The following WNK4 variants were observed in gnomAD, a reference collection of about 807,000 sequenced individuals.
WNK4 encodes WNK lysine deficient protein kinase 4, also known as serine/threonine-protein kinase WNK4.
A neutral mutation model predicts 116.2 loss-of-function variants in WNK4; 94 were observed. The ratio of observed to expected loss-of-function variants is 0.81; its 90% CI spans 0.68 to 0.96. WNK4 has a LOEUF of 0.96. WNK4 is among the 40% of genes least tolerant of loss of function. The pLI is 0.00. For missense variants in WNK4, 1,542 were observed against 1,650.6 expected, an observed-to-expected ratio of 0.93 and a Z score of 1.14; for synonymous variants, 655 against 672.7, an observed-to-expected ratio of 0.97 and a Z score of 0.41.
rs1271878326 is a variant in WNK4 at position 42,782,037 on chromosome 17, G to C, written c.618+721G>C. 2.0e-5 allele frequency among the ~76,000 whole-genome samples: 3 copies of C among 152,204 alleles called. No homozygotes were observed. The highest frequency in any genetic ancestry group is 4.4e-5 in the Non-Finnish European group (3 of 68,024). ...TTGCTCCCATGCTACATATGGGTTAGGAGAACCCAGTCAACTTGGGGCCTG... is the reference window on the plus strand; with the variant it reads ...TTGCTCCCATGCTACATATGGGTTACGAGAACCCAGTCAACTTGGGGCCTG... On this transcript the variant is annotated intron_variant, in intron 1 of 18. Transcript: ENST00000246914. This position sits in a 1 kb window ranked among gnomAD's most constrained non-coding sequence, Gnocchi z 4.2.
At chr17:42,790,096 A>G (rs57527946) in intron 11 of WNK4, among the ~76,000 whole-genome samples, 11,225 of 152,104 alleles carry the variant, frequency 0.074, 1,227 homozygotes, top group African/African-American at 0.23. Flanking sequence ...TGGAAGGGGG[A>G]AGGGAAAATA....
At position 42,784,020 on chromosome 17, in the gene WNK4, A is replaced by G. The variant is rs566468120; in HGVS notation, c.875A>G (p.His292Arg). 6 of 1,612,922 alleles carry G rather than the reference A, an allele frequency of 3.7e-6. No homozygotes were observed. Among genetic ancestry groups the G allele is most frequent in the East Asian group, 2.2e-5 (1 of 44,808 alleles). The change falls in exon 3 of 19, where the codon CAC (histidine) becomes CGC (arginine). Residue 292 changes from histidine (H) to arginine (R), a missense_variant. By Grantham distance (29) the His-to-Arg change is conservative (BLOSUM62 0). Around this residue, in one of 7 missense-constraint regions of WNK4, gnomAD observed 808 missense variants for 873.6 expected, o/e 0.92. Coordinates refer to ENST00000246914, the MANE Select transcript of WNK4 (RefSeq NM_032387.5). The surrounding 1 kb of genome is among the most constrained non-coding windows in gnomAD (Gnocchi z 4.4). ...ATCCTGCGGGGACTTCATTTCCTAC[A>G]CTCCCGGGTTCCTCCCATCCTGCAC... is the stretch of plus-strand genomic sequence containing the variant. ...RQILRGLHFL[H>R]SRVPPILHRD... is the part of the protein sequence containing the mutation.
In WNK4 at chr17:42,780,634, C is replaced by T; in HGVS notation, c.-65C>T. ...CGGAGCGCAGCGCACCCAGCGAGTCCGTCTGTCAGGCCGCCTCCTCTCCGG... is the reference window on the plus strand; with the variant it reads ...CGGAGCGCAGCGCACCCAGCGAGTCTGTCTGTCAGGCCGCCTCCTCTCCGG... On this transcript the variant is annotated 5_prime_UTR_variant, in exon 1 of 19. Coordinates refer to ENST00000246914, the MANE Select transcript of WNK4 (RefSeq NM_032387.5). 1 of 1,589,600 alleles carries T rather than the reference C, an allele frequency of 6.3e-7. No homozygotes were observed. Among genetic ancestry groups the T allele is most frequent in the South Asian group, 1.1e-5 (1 of 90,434 alleles).
intron 11 of WNK4, among the ~76,000 whole-genome samples, chr17:42,792,186 G>C (rs113334708): frequency 0.023 from 3,463 of 152,268 alleles, 126 homozygotes; most frequent in African/African-American, 0.078. Context: ...GCAGATGATA[G>C]TATTTGTTTT....
At position 42,796,244 on chromosome 17, in the gene WNK4, C is replaced by A; in HGVS notation, c.3553C>A (p.Arg1185Ser). 6.2e-7 allele frequency: 1 copy of A among 1,611,390 alleles called. No individual in the cohort carries two copies. Among genetic ancestry groups the A allele is most frequent in the Non-Finnish European group, 8.5e-7 (1 of 1,179,170 alleles). Reference protein sequence around the residue: ...IVAPAAMLSSRQRRLSKGSFP... With the variant: ...IVAPAAMLSSSQRRLSKGSFP... ...GGCCCCAGCTGCTATGCTGTCCAGCCGCCAGCGCCGCCTCTCCAAGGGCAG... is the reference window on the plus strand; with the variant it reads ...GGCCCCAGCTGCTATGCTGTCCAGCAGCCAGCGCCGCCTCTCCAAGGGCAG... Residue 1185 changes from arginine (R) to serine (S), a missense_variant, in exon 17 of 19, where the codon CGC (arginine) becomes AGC (serine). Physicochemically the swap from Arg to Ser is moderately radical, Grantham distance 110 (BLOSUM62 -1). Transcript: ENST00000246914.
chr17:42,784,103 G>A lies in WNK4; in HGVS notation c.958G>A (p.Gly320Arg), dbSNP rs761672066. The part of the protein sequence containing the change: ...ITGPTGSVKI[G>R]DLGLATLKRA... ...GGGACCTACTGGCTCTGTCAAAATC[G>A]GGGACCTGGGCCTGGCCACGCTCAA... Residue 320 changes from glycine (G) to arginine (R), a missense_variant, in exon 3 of 19, where the codon GGG becomes AGG. Physicochemically the swap from Gly to Arg is moderately radical, Grantham distance 125. Around this residue, in one of 7 missense-constraint regions of WNK4, gnomAD observed 808 missense variants for 873.6 expected, o/e 0.92. Coordinates refer to ENST00000246914, the MANE Select transcript of WNK4 (RefSeq NM_032387.5). The surrounding 1 kb of genome is among the most constrained non-coding windows in gnomAD (Gnocchi z 4.4). 8 of 1,611,214 alleles carry A rather than the reference G, an allele frequency of 5.0e-6. No individual in the cohort carries two copies. Among genetic ancestry groups the A allele is most frequent in the South Asian group, 2.2e-5 (2 of 91,082 alleles).
At chr17:42,792,337 C>T (rs963227692) in intron 11 of WNK4, among the ~76,000 whole-genome samples, 2 of 152,132 alleles carry the variant, frequency 1.3e-5, no homozygotes, top group African/African-American at 2.4e-5. Context: ...CCCCCTATCC[C>T]CAGGGTGGTA....
chr17:42,782,748 C>G lies in WNK4; in HGVS notation c.619-10C>G, dbSNP rs550493959. On this transcript the variant is annotated splice_polypyrimidine_tract_variant and intron_variant, in intron 1 of 18. Transcript: ENST00000246914. The surrounding 1 kb of genome is among the most constrained non-coding windows in gnomAD (Gnocchi z 4.2). ...TGGGCCTGACATGACACCCGTCCCC[C>G]ATCCCACAGACTCGGAAACTGTCTA... The G allele has an allele frequency of 6.8e-6, 11 of 1,614,004 alleles. No homozygotes were observed. The South Asian group carries it at 1.2e-4, about 18-fold the overall frequency.
chr17:42,791,604 A>G (rs1597901494), intron 11 of WNK4, among the ~76,000 whole-genome samples: 1 of 150,146 alleles, frequency 6.7e-6, no homozygotes, highest in East Asian at 2.0e-4. Context: ...ATACCATTGC[A>G]CTCCAGCCTG....
chr17:42,796,510 A>T lies in WNK4; in HGVS notation c.3661A>T (p.Ser1221Cys). The T allele has an allele frequency of 6.2e-7, 1 of 1,613,950 alleles. No individual in the cohort carries two copies. Among genetic ancestry groups the T allele is most frequent in the Non-Finnish European group, 8.5e-7 (1 of 1,179,872 alleles). Residue 1221 changes from serine (S) to cysteine (C), a missense_variant, in exon 18 of 19, where the codon AGC (serine) becomes TGC (cysteine). This residue lies in a region of WNK4 where 148 missense variants were observed against 157.2 expected (regional missense o/e 0.94). Transcript: ENST00000246914. Reference protein sequence around the residue: ...GIMRRNSLSGSSTGSQEQRAS... With the variant: ...GIMRRNSLSGCSTGSQEQRAS... ...CATGCGAAGGAACTCTCTGAGTGGC[A>T]GCAGCACCGGCTCCCAGGAGCAGCG...
Position 42,782,587 on chromosome 17 carries a change from G to A in WNK4, c.619-171G>A, listed in dbSNP as rs564054857. ...TGTGTCCTTGGATCAGCTTACGTGCGGGACTGTTGGAGAGTTCAGGGTCTG... is the reference window on the plus strand; with the variant it reads ...TGTGTCCTTGGATCAGCTTACGTGCAGGACTGTTGGAGAGTTCAGGGTCTG... On this transcript the variant is annotated intron_variant, in intron 1 of 18. Transcript: ENST00000246914. The surrounding 1 kb of genome is among the most constrained non-coding windows in gnomAD (Gnocchi z 4.2). 3.9e-5 allele frequency among the ~76,000 whole-genome samples: 6 copies of A among 152,348 alleles called. No homozygotes were observed. In the South Asian group the frequency reaches 8.3e-4, roughly 21 times the overall value.
Position 42,795,344 on chromosome 17 carries a change from G to T in WNK4, c.2923G>T (p.Glu975Ter), listed in dbSNP as rs767017692. 6.2e-7 allele frequency: 1 copy of T among 1,614,026 alleles called. No homozygotes were observed. Among genetic ancestry groups the T allele is most frequent in the Non-Finnish European group, 8.5e-7 (1 of 1,180,018 alleles). The change falls in exon 14 of 19, where the codon GAA becomes TAA. Residue 975 changes from glutamate (E) to a stop codon, truncating the protein, a stop_gained. Transcript: ENST00000246914. LOFTEE classifies it high-confidence loss of function. ...CCCTCCCGTTGCTCCTGGTGGCCAGGAAAGCCCTTCACCCCACACAGCTGA... is the reference window on the plus strand; with the variant it reads ...CCCTCCCGTTGCTCCTGGTGGCCAGTAAAGCCCTTCACCCCACACAGCTGA... ...LPPPVAPGGQ[E>*]SPSPHTAEVE...
rs1272945913 is a variant in WNK4 at position 42,794,623 on chromosome 17, G to C, written c.2305G>C (p.Ala769Pro). ...EDTLSPQEEP[A>P]PLPALPVPLP... is the part of the protein sequence containing the mutation. Reference sequence around the variant, plus strand: ...CCTTTTTCTGCCTCAGGAGGAGCCAGCACCATTACCTGCCCTGCCCGTCCC... The same window carrying C: ...CCTTTTTCTGCCTCAGGAGGAGCCACCACCATTACCTGCCCTGCCCGTCCC... The change falls in exon 13 of 19, where the codon GCA (alanine) becomes CCA (proline). Residue 769 changes from alanine (A) to proline (P), a missense_variant. Ala to Pro is a conservative substitution (Grantham distance 27). This residue lies in a region of WNK4 where 808 missense variants were observed against 873.6 expected (regional missense o/e 0.92). Transcript: ENST00000246914. 6.2e-7 allele frequency: 1 copy of C among 1,613,834 alleles called. No individual in the cohort carries two copies. The highest frequency in any genetic ancestry group is 1.3e-5 in the African/African-American group (1 of 74,828).
chr17:42,794,654 C>G lies in WNK4; in HGVS notation c.2336C>G (p.Pro779Arg), dbSNP rs1478075467. The change falls in exon 13 of 19, where the codon CCA becomes CGA. Residue 779 changes from proline to arginine, a missense_variant. Around this residue, in one of 7 missense-constraint regions of WNK4, gnomAD observed 808 missense variants for 873.6 expected, o/e 0.92. Coordinates refer to ENST00000246914, the MANE Select transcript of WNK4 (RefSeq NM_032387.5). The stretch of plus-strand genomic sequence containing the variant: ...TTACCTGCCCTGCCCGTCCCCCTCC[C>G]AGACCCATCCAATGGTATGTACTGA... ...APLPALPVPL[P>R]DPSNEELQSS... 5.6e-6 allele frequency: 9 copies of G among 1,614,008 alleles called. No homozygotes were observed. Among genetic ancestry groups the G allele is most frequent in the Non-Finnish European group, 7.6e-6 (9 of 1,179,976 alleles).
intron 8 of WNK4, 48 bp downstream of exon 8, chr17:42,787,947 C>T: frequency 1.2e-6 from 2 of 1,607,888 alleles, no homozygotes; most frequent in Non-Finnish European, 1.7e-6. Flanking sequence ...AAGCCTATGA[C>T]CTATCTCCCT....
rs979123748 is a variant in WNK4 at position 42,785,399 on chromosome 17, G to A, written c.1393G>A (p.Gly465Arg). 6 of 1,581,400 alleles carry A rather than the reference G, an allele frequency of 3.8e-6. No individual in the cohort carries two copies. Among genetic ancestry groups the A allele is most frequent in the African/African-American group, 2.7e-5 (2 of 74,302 alleles). The change falls in exon 6 of 19, where the codon GGG becomes AGG. Residue 465 changes from glycine to arginine, a missense_variant. Gly to Arg is a moderately radical substitution (Grantham distance 125, BLOSUM62 -2). Coordinates refer to ENST00000246914, the MANE Select transcript of WNK4 (RefSeq NM_032387.5). ...GCTGCGCATGGAGGACGCGCGGCGC[G>A]GGGGGCGCCCACGGGACAACCAGGC... Reference protein sequence around the residue: ...LWLRMEDARRGGRPRDNQAIE... With the variant: ...LWLRMEDARRRGRPRDNQAIE...
chr17:42,792,502 A>G (rs1336709022), intron 11 of WNK4, among the ~76,000 whole-genome samples: 4 of 152,220 alleles, frequency 2.6e-5, no homozygotes, highest in African/African-American at 9.7e-5. Context: ...TACCTTGCAA[A>G]TCTGAAACTC....
At chr17:42,785,553 G>C in intron 6 of WNK4, 71 bp downstream of exon 6, 1 of 1,533,612 alleles carries the variant, frequency 6.5e-7, no homozygotes, top group Non-Finnish European at 8.8e-7. Context: ...AGTGCAACAG[G>C]GATGGGGCGC....
intron 11 of WNK4, 59 bp from the exon 12 acceptor site, chr17:42,793,533 G>C: frequency 6.2e-7 from 1 of 1,607,378 alleles, no homozygotes; most frequent in Non-Finnish European, 8.5e-7. Flanking sequence ...TCAGAAGCAG[G>C]GGGAGAGGGA....
Sources: allele counts gnomAD v4.1 joint callset (sites outside exome capture counted in the v4.1 genomes callset), GRCh38; gene constraint gnomAD v4.1.1; regional missense constraint gnomAD v4.1.1; non-coding constraint Gnocchi (gnomAD v3.1); transcripts MANE v1.5; gene names NCBI Gene and HGNC (gene_info 2026-07-23, HGNC 2026-07-21).